PCSK1: variants seen among roughly 807,000 people sequenced by gnomAD.
PCSK1 encodes proprotein convertase subtilisin/kexin type 1, also known as neuroendocrine convertase 1.
Under a neutral mutation model 90.6 loss-of-function variants are expected in PCSK1, and 56 were observed. The ratio of observed to expected loss-of-function variants is 0.62; its 90% CI spans 0.50 to 0.77. PCSK1 has a LOEUF of 0.77. Among genes scored for constraint, PCSK1 ranks in the 30% least tolerant of loss-of-function variants. PCSK1 has a pLI of 0.00. For synonymous variants in PCSK1, 348 were observed against 342.4 expected, an observed-to-expected ratio of 1.02 and a Z score of -0.18; for missense variants, 801 against 932.6, an observed-to-expected ratio of 0.86 and a Z score of 1.84.
intron 5 of PCSK1, among the ~76,000 whole-genome samples, chr5:96,416,451 G>A (rs75838047): frequency 0.02 from 3,071 of 152,312 alleles, 118 homozygotes; most frequent in African/African-American, 0.071. Flanking sequence ...AGAACACAGT[G>A]AGTGTTAACT....
rs188742523 is a variant in PCSK1, at chr5:96,429,612, C to G, written c.181-295G>C. Among the ~76,000 whole-genome samples, 342 of 152,278 alleles carry G rather than the reference C, an allele frequency of 2.2e-3. 4 individuals carry two copies. In the South Asian group the frequency reaches 0.033, roughly 15 times the overall value. ...CTGATCCCTTCTCTTCTCCCACCCT[C>G]CACCCTCCAAAAGGCCCCAGTATAT... On this transcript the variant is annotated intron_variant, in intron 1 of 13. Coordinates refer to ENST00000311106, the MANE Select transcript of PCSK1 (RefSeq NM_000439.5).
Position 96,401,019 on chromosome 5 carries a change from G to A in PCSK1, c.1197-833C>T, listed in dbSNP as rs563822815. On this transcript the variant is annotated intron_variant, in intron 9 of 13. Transcript: ENST00000311106. ...GGAGAATGGCGTGAACCTGGGAGGC[G>A]GAGCTTGCAGTGAGCCAAGATTGTG... is the stretch of plus-strand genomic sequence containing the variant. 1.3e-3 allele frequency among the ~76,000 whole-genome samples: 193 copies of A among 145,770 alleles called. 1 individual carries two copies. Among genetic ancestry groups the A allele is most frequent in the African/African-American group, 4.6e-3 (179 of 38,978 alleles).
At chr5:96,396,476 G>A (rs1159081992) in intron 12 of PCSK1, among the ~76,000 whole-genome samples, 9 of 150,986 alleles carry the variant, frequency 6.0e-5, no homozygotes, top group South Asian at 4.2e-4. Flanking sequence ...CAGGAGAAGC[G>A]CTTGAACCCA....
At position 96,423,392 on chromosome 5, in the gene PCSK1, C is replaced by A; in HGVS notation, c.464G>T (p.Gly155Val). The stretch of plus-strand genomic sequence containing the variant: ...GATAACAACTCCTTTGCCCGTAATG[C>A]CTTTTTGCCAAACAGGTATCACATG... ...DLHVIPVWQK[G>V]ITGKGVVITV... is the part of the protein sequence containing the mutation. The change falls in exon 4 of 14, where the codon GGC becomes GTC. Residue 155 changes from glycine (G) to valine (V), a missense_variant. Transcript: ENST00000311106. 1 of 1,614,030 alleles carries A rather than the reference C, an allele frequency of 6.2e-7. No homozygotes were observed. The highest frequency in any genetic ancestry group is 8.5e-7 in the Non-Finnish European group (1 of 1,179,904).
chr5:96,430,200 T>A (rs1208339362), intron 1 of PCSK1, among the ~76,000 whole-genome samples: 2 of 152,232 alleles, frequency 1.3e-5, no homozygotes, highest in Non-Finnish European at 2.9e-5. Flanking sequence ...TCTCCGGGTA[T>A]CTATTGACAT....
chr5:96,399,812 G>T, intron 10 of PCSK1, 141 bp downstream of exon 10: 1 of 695,306 alleles, frequency 1.4e-6, no homozygotes, highest in Non-Finnish European at 2.6e-6. Context: ...AGTCCCCATG[G>T]ATACCCACAG....
chr5:96,425,116 A>T (rs1200552013), intron 3 of PCSK1, among the ~76,000 whole-genome samples: 1 of 152,206 alleles, frequency 6.6e-6, no homozygotes, highest in African/African-American at 2.4e-5. Context: ...TCTAACCCTT[A>T]TGCAACAAGA....
rs886060883 is a variant in PCSK1, at chr5:96,392,096, A to G, written c.*905T>C. On this transcript the variant is annotated 3_prime_UTR_variant, in exon 14 of 14. Coordinates refer to ENST00000311106, the MANE Select transcript of PCSK1 (RefSeq NM_000439.5). ...ATGAGTATTTTTCTATTATTACATT[A>G]GGTCTCCATGTGATAAGTGGTTTCC... 1.3e-5 allele frequency: 2 copies of G among 152,174 alleles called. No individual in the cohort carries two copies. The highest frequency in any genetic ancestry group is 3.8e-4 in the East Asian group (2 of 5,198). The allele number at this position is 152,174 out of a possible 1,614,324, so 9.4% of individuals were successfully genotyped here. A position where few individuals can be genotyped will look rare whatever the true frequency, so the allele number is the denominator to read the frequency against.
intron 10 of PCSK1, 140 bp downstream of exon 10, chr5:96,399,813 A>T: frequency 2.9e-6 from 2 of 697,148 alleles, no homozygotes; most frequent in Non-Finnish European, 5.1e-6. Flanking sequence ...GTCCCCATGG[A>T]TACCCACAGA....
intron 8 of PCSK1, among the ~76,000 whole-genome samples, chr5:96,409,055 T>C (rs1272358194): frequency 6.6e-6 from 1 of 152,232 alleles, no homozygotes; most frequent in Non-Finnish European, 1.5e-5. Flanking sequence ...TTACCCGAGA[T>C]GTTCTCTGTG....
In PCSK1 at chr5:96,394,881, T is replaced by C; in HGVS notation, c.1867A>G (p.Met623Val). ...ACACAGACCTCCCCTGGATCCACCA[T>C]CTTCTCCACCCCTCTTCTGTCATTC... ...VQNDRRGVEK[M>V]VDPGEEQPTQ... is the part of the protein sequence containing the mutation. The change falls in exon 13 of 14, where the codon ATG (methionine) becomes GTG (valine). Residue 623 changes from methionine (M) to valine (V), a missense_variant. Met to Val is a conservative substitution (Grantham distance 21). Transcript: ENST00000311106. 1 of 1,614,084 alleles carries C rather than the reference T, an allele frequency of 6.2e-7. No individual in the cohort carries two copies. Among genetic ancestry groups the C allele is most frequent in the Non-Finnish European group, 8.5e-7 (1 of 1,179,978 alleles).
At chr5:96,421,799 T>C in intron 5 of PCSK1, 81 bp downstream of exon 5, 2 of 832,616 alleles carry the variant, frequency 2.4e-6, no homozygotes. Flanking sequence ...GGAATGTGGA[T>C]GAAATATATG....
intron 6 of PCSK1, 38 bp downstream of exon 6, chr5:96,415,995 T>C: frequency 2.3e-6 from 3 of 1,323,018 alleles, no homozygotes; most frequent in Non-Finnish European, 3.3e-6. Context: ...AAGCTTCACA[T>C]TAAAATGCCA....
rs912716798 is a variant in PCSK1 at position 96,430,389 on chromosome 5, C to T, written c.181-1072G>A. On this transcript the variant is annotated intron_variant, in intron 1 of 13. Coordinates refer to ENST00000311106, the MANE Select transcript of PCSK1 (RefSeq NM_000439.5). ...TTCTTTAAATTGGTGATTCTCATCG[C>T]CCAGAGAATTTTAAAATAGAGAAGC... Among the ~76,000 whole-genome samples, 3 of 152,230 alleles carry T rather than the reference C, an allele frequency of 2.0e-5. No individual in the cohort carries two copies. The South Asian group carries it at 6.2e-4, about 32-fold the overall frequency.
intron 2 of PCSK1, 102 bp downstream of exon 2, chr5:96,429,109 TAA>T (rs139711271): frequency 3.3e-6 from 2 of 604,530 alleles, no homozygotes; most frequent in Non-Finnish European, 5.9e-6. Flanking sequence ...TTGGTCACAA[TAA>T]AAAAAAAACC....
intron 5 of PCSK1, among the ~76,000 whole-genome samples, chr5:96,417,600 G>A (rs895057783): frequency 1.6e-4 from 24 of 151,998 alleles, no homozygotes; most frequent in Non-Finnish European, 1.5e-4. Context: ...AAGCAGAGGC[G>A]AGCAGCACTA....
At chr5:96,420,443 A>G (rs1052863345) in intron 5 of PCSK1, among the ~76,000 whole-genome samples, 10 of 152,082 alleles carry the variant, frequency 6.6e-5, no homozygotes, top group Admixed American at 1.3e-4. Flanking sequence ...AGTGGTTCCT[A>G]TTGTGTTTTT....
At chr5:96,413,443 G>A (rs1760837043) in intron 6 of PCSK1, among the ~76,000 whole-genome samples, 2 of 152,162 alleles carry the variant, frequency 1.3e-5, no homozygotes, top group African/African-American at 4.8e-5. Context: ...TGGAGCAAAG[G>A]TAAAATGATA....
chr5:96,397,555 T>C (rs1439270001), intron 11 of PCSK1, 86 bp from the exon 12 acceptor site: 2 of 1,250,790 alleles, frequency 1.6e-6, no homozygotes, highest in Non-Finnish European at 2.3e-6. Context: ...AAATAAAAGC[T>C]GAAAAAGATG....
Sources: allele counts gnomAD v4.1 joint callset (sites outside exome capture counted in the v4.1 genomes callset), GRCh38; gene constraint gnomAD v4.1.1; transcripts MANE v1.5; gene names NCBI Gene and HGNC (gene_info 2026-07-23, HGNC 2026-07-21).